Variants in FBXL7 observed in about 807,000 individuals in gnomAD.
FBXL7 encodes F-box and leucine rich repeat protein 7.
A neutral mutation model predicts 38.3 loss-of-function variants in FBXL7; 12 were observed. The ratio of observed to expected loss-of-function variants is 0.31; its 90% CI spans 0.20 to 0.51. The LOEUF is 0.51. Among genes scored for constraint, FBXL7 ranks in the 20% least tolerant of loss-of-function variants. The probability of loss-of-function intolerance (pLI) is 0.98; values close to 1 mark genes in which losing one functional copy is unlikely to be tolerated. For synonymous variants in FBXL7, 297 were observed against 300.9 expected (o/e 0.99, Z 0.13); for missense variants, 567 against 676.4 (o/e 0.84, Z 1.79).
At chr5:15,843,483 C>T (rs1362165305) in intron 2 of FBXL7, among the ~76,000 whole-genome samples, 1 of 152,042 alleles carries the variant, frequency 6.6e-6, no homozygotes, top group African/African-American at 2.4e-5. Context: ...TGAATCTTTC[C>T]TTCTGTTTGG....
At chr5:15,680,744 A>G (rs1742819205) in intron 2 of FBXL7, among the ~76,000 whole-genome samples, 1 of 152,208 alleles carries the variant, frequency 6.6e-6, no homozygotes, top group South Asian at 2.1e-4. Flanking sequence ...AAGTTTTAGG[A>G]TGCCAATGTA....
chr5:15,545,617 CA>C lies in FBXL7; in HGVS notation c.37+44910del, dbSNP rs1432877407. On this transcript the variant is annotated intron_variant, in intron 1 of 3. Transcript: ENST00000504595. ...ATTTATTGGTTTATTGATTTGTCATCAAAAAATTAGTTTATATTTATTGAAT... is the reference window on the plus strand; with the variant it reads ...ATTTATTGGTTTATTGATTTGTCATCAAAAATTAGTTTATATTTATTGAAT... 2.0e-5 allele frequency among the ~76,000 whole-genome samples: 3 copies of C among 152,014 alleles called. No individual in the cohort carries two copies. In the East Asian group the frequency reaches 5.8e-4, roughly 29 times the overall value.
chr5:15,576,404 A>C (rs1471106469), intron 1 of FBXL7, among the ~76,000 whole-genome samples: 4 of 152,112 alleles, frequency 2.6e-5, no homozygotes, highest in Non-Finnish European at 5.9e-5. Flanking sequence ...TTCTTAATGT[A>C]TCTATTTTAG....
chr5:15,781,672 A>AT (rs1054968504), intron 2 of FBXL7, among the ~76,000 whole-genome samples: 3 of 151,990 alleles, frequency 2.0e-5, no homozygotes, highest in East Asian at 3.9e-4. Context: ...CCATAGTTTG[A>AT]TTTTTTTAAT....
intron 2 of FBXL7, among the ~76,000 whole-genome samples, chr5:15,760,886 G>A (rs1736422680): frequency 6.6e-6 from 1 of 151,854 alleles, no homozygotes; most frequent in South Asian, 2.1e-4. Context: ...AATGTCAAAT[G>A]GGAAATATTG....
rs1469542363 is a variant in FBXL7 at position 15,936,571 on chromosome 5, C to T, written c.861C>T (p.Asp287=). 4 of 1,612,728 alleles carry T rather than the reference C, an allele frequency of 2.5e-6. No homozygotes were observed. The highest frequency in any genetic ancestry group is 1.3e-5 in the African/African-American group (1 of 74,954). Residue 287 remains aspartate, a synonymous_variant, in exon 4 of 4, where the codon GAC becomes GAT. Transcript: ENST00000504595. The surrounding 1 kb of genome is among the most constrained non-coding windows in gnomAD (Gnocchi z 6.0). ...LDMTDCFVLE[D]EGLHTIAAHC... The stretch of plus-strand genomic sequence containing the variant: ...TGACGGACTGCTTCGTGCTGGAGGA[C>T]GAAGGCCTGCACACCATCGCGGCGC...
intron 2 of FBXL7, among the ~76,000 whole-genome samples, chr5:15,726,596 T>C (rs6884087): frequency 0.75 from 113,204 of 151,562 alleles, 42,469 homozygotes; most frequent in East Asian, 0.88. Context: ...GAGGCTAAGG[T>C]GGAAGAATCA....
intron 1 of FBXL7, among the ~76,000 whole-genome samples, chr5:15,506,365 T>G (rs1736651173): frequency 1.3e-5 from 2 of 152,044 alleles, no homozygotes; most frequent in Non-Finnish European, 2.9e-5. Context: ...GGTGTGAGAT[T>G]TTATCACGCT....
At chr5:15,634,091 T>C (rs1741093114) in intron 2 of FBXL7, among the ~76,000 whole-genome samples, 1 of 151,862 alleles carries the variant, frequency 6.6e-6, no homozygotes, top group African/African-American at 2.4e-5. Flanking sequence ...GGGGCAAAGA[T>C]ATTATGTAAT....
chr5:15,745,549 G>GAAAAAA (rs1305663080), intron 2 of FBXL7, among the ~76,000 whole-genome samples: 9 of 152,186 alleles, frequency 5.9e-5, no homozygotes, highest in Non-Finnish European at 1.0e-4. Flanking sequence ...AATGATTAAG[G>GAAAAAA]AGGTGACTCA....
intron 1 of FBXL7, among the ~76,000 whole-genome samples, chr5:15,565,084 T>C (rs1384751063): frequency 1.3e-5 from 2 of 152,230 alleles, no homozygotes; most frequent in African/African-American, 4.8e-5. Flanking sequence ...TTTCCTGTTT[T>C]AGAAAGAAAA....
At position 15,707,174 on chromosome 5, in the gene FBXL7, G is replaced by GTTTTTTTTTT. The variant is rs71603796; in HGVS notation, c.127+91116_127+91125dup. Among the ~76,000 whole-genome samples the GTTTTTTTTTT allele has an allele frequency of 2.6e-4, 18 of 70,402 alleles. 1 individual carries two copies. The highest frequency in any genetic ancestry group is 9.7e-4 in the East Asian group (2 of 2,060). The allele number at this position is 70,402 out of a possible 152,430, so 46.2% of individuals were successfully genotyped here. ...AGGTAGTGTTTCTTTTTTTCTTTTCGTTTTTTTTTTTTTTTTTTTTTTTGC... is the reference window on the plus strand; with the variant it reads ...AGGTAGTGTTTCTTTTTTTCTTTTCGTTTTTTTTTTTTTTTTTTTTTTTTTTTTTTTTTGC... On this transcript the variant is annotated intron_variant, in intron 2 of 3. Transcript: ENST00000504595.
At chr5:15,545,808 G>A (rs575857900) in intron 1 of FBXL7, among the ~76,000 whole-genome samples, 3 of 152,288 alleles carry the variant, frequency 2.0e-5, no homozygotes, top group Admixed American at 2.0e-4. Flanking sequence ...AATTCAAAAA[G>A]TAAAAGATGT....
intron 2 of FBXL7, among the ~76,000 whole-genome samples, chr5:15,913,814 A>G (rs1275730167): frequency 2.0e-5 from 3 of 152,180 alleles, no homozygotes; most frequent in Non-Finnish European, 2.9e-5. Flanking sequence ...TCCTTTCCCA[A>G]GCTTTGCAAA....
chr5:15,601,560 T>G (rs1341640282), intron 1 of FBXL7, among the ~76,000 whole-genome samples: 1 of 152,152 alleles, frequency 6.6e-6, no homozygotes, highest in Non-Finnish European at 1.5e-5. Context: ...CCCTGGTACC[T>G]TTAGTGACAT....
chr5:15,534,422 G>A (rs1364733953), intron 1 of FBXL7, among the ~76,000 whole-genome samples: 2 of 152,096 alleles, frequency 1.3e-5, no homozygotes, highest in Non-Finnish European at 2.9e-5. Flanking sequence ...ATAGTATGTA[G>A]CCTTTTCAGA....
intron 2 of FBXL7, among the ~76,000 whole-genome samples, chr5:15,911,402 T>C (rs1373838477): frequency 7.4e-6 from 1 of 134,310 alleles, no homozygotes. Context: ...TTCTCTGTAT[T>C]GGTTATTCTA....
intron 1 of FBXL7, among the ~76,000 whole-genome samples, chr5:15,555,784 G>GAGATAGATAAATAGAT (rs369000608): frequency 0.03 from 4,148 of 139,762 alleles, 152 homozygotes; most frequent in African/African-American, 0.084. Flanking sequence ...AAGGGTAGAT[G>GAGATAGATAAATAGAT]AGATAGATAG....
intron 1 of FBXL7, among the ~76,000 whole-genome samples, chr5:15,604,748 G>GAT (rs1271143814): frequency 2.6e-5 from 4 of 152,184 alleles, no homozygotes; most frequent in African/African-American, 9.7e-5. Context: ...GTTAAAGTAG[G>GAT]AATTTCCATT....
Sources: allele counts gnomAD v4.1 joint callset (sites outside exome capture counted in the v4.1 genomes callset), GRCh38; gene constraint gnomAD v4.1.1; non-coding constraint Gnocchi (gnomAD v3.1); transcripts MANE v1.5; gene names NCBI Gene and HGNC (gene_info 2026-07-23, HGNC 2026-07-21).